The following SQSTM1 variants were observed in gnomAD, a reference collection of about 807,000 sequenced individuals.
SQSTM1 encodes sequestosome 1.
SQSTM1 carries 36 observed loss-of-function variants against 45.1 expected under a neutral mutation model. The ratio of observed to expected loss-of-function variants is 0.80; its 90% CI spans 0.61 to 1.05. The LOEUF (loss-of-function observed/expected upper bound fraction) is 1.05, where lower values mean the gene tolerates loss of function less well. Ranked by LOEUF, SQSTM1 falls within the 50% of genes least tolerant of loss-of-function variation. The probability of loss-of-function intolerance (pLI) is 0.00; values close to 1 mark genes in which losing one functional copy is unlikely to be tolerated. For missense variants in SQSTM1, 617 were observed against 607.1 expected (o/e 1.02, Z -0.17); for synonymous variants, 290 against 244.3 (o/e 1.19, Z -1.74).
At chr5:179,835,726 A>G (rs1347236051) in intron 7 of SQSTM1, 1 of 156,616 alleles carries the variant, frequency 6.4e-6, no homozygotes, top group Non-Finnish European at 1.4e-5. Context: ...TTGCATCATC[A>G]TAGCTTAGCA....
upstream of SQSTM1, among the ~76,000 whole-genome samples, chr5:179,815,482 G>T (rs949470431): frequency 2.0e-5 from 3 of 152,030 alleles, no homozygotes; most frequent in African/African-American, 7.3e-5. Flanking sequence ...ACTACTCTTG[G>T]ATACAATTGA....
In SQSTM1 at chr5:179,825,229, G is replaced by A; in HGVS notation, c.754+3G>A. On this transcript the variant is annotated splice_donor_region_variant and intron_variant, in intron 5 of 7. Coordinates refer to ENST00000389805, the MANE Select transcript of SQSTM1 (RefSeq NM_003900.5). The stretch of plus-strand genomic sequence containing the variant: ...GGCAGCTGCCCTTAGCCCTCTGGGT[G>A]AGTGCACCTCCTTGCCCAGTGCTTC... The A allele has an allele frequency of 6.2e-7, 1 of 1,612,710 alleles. No individual in the cohort carries two copies. The highest frequency in any genetic ancestry group is 8.5e-7 in the Non-Finnish European group (1 of 1,179,072).
At chr5:179,818,540 G>C (rs1757652207), upstream of SQSTM1, among the ~76,000 whole-genome samples, 1 of 152,174 alleles carries the variant, frequency 6.6e-6, no homozygotes, top group African/African-American at 2.4e-5. Flanking sequence ...AACATGCTGG[G>C]CAGCAACAGA....
At chr5:179,810,428 C>T (rs1343782083) in intron 1 of SQSTM1, among the ~76,000 whole-genome samples, 2 of 152,188 alleles carry the variant, frequency 1.3e-5, no homozygotes, top group Admixed American at 6.5e-5. Context: ...ATCCGTGTCC[C>T]TACAAAGGAC....
At chr5:179,831,381 G>T (rs762291078) in intron 5 of SQSTM1, among the ~76,000 whole-genome samples, 2 of 152,244 alleles carry the variant, frequency 1.3e-5, no homozygotes, top group African/African-American at 4.8e-5. Flanking sequence ...GAGAAGGCAG[G>T]CTGGGTGCAG....
chr5:179,815,198 C>T (rs1461548663), upstream of SQSTM1, among the ~76,000 whole-genome samples: 1 of 152,156 alleles, frequency 6.6e-6, no homozygotes, highest in African/African-American at 2.4e-5. Context: ...GGGTGGATCA[C>T]TTGAGGCCAA....
chr5:179,814,671 C>T (rs1157861927), upstream of SQSTM1, among the ~76,000 whole-genome samples: 2 of 152,160 alleles, frequency 1.3e-5, no homozygotes, highest in African/African-American at 2.4e-5. Context: ...AAATGCTTGG[C>T]GTATAGGTGA....
rs150786805 is a variant in SQSTM1, at chr5:179,837,449, C to T, written c.*856C>T. The stretch of plus-strand genomic sequence containing the variant: ...AAAGAGGTCACATAGTCGTGTGGGT[C>T]GAGGATTCTGTGCCTCCAGGACCAG... On this transcript the variant is annotated 3_prime_UTR_variant, in exon 8 of 8. Transcript: ENST00000389805. 1.1e-5 allele frequency: 18 copies of T among 1,611,890 alleles called. No homozygotes were observed. Among genetic ancestry groups the T allele is most frequent in the African/African-American group, 8.0e-5 (6 of 74,880 alleles).
intron 2 of SQSTM1, chr5:179,812,331 GGGGTTCCTCTCCTTTTC>G (rs1757452907): frequency 6.6e-6 from 1 of 152,230 alleles, no homozygotes; most frequent in Non-Finnish European, 1.5e-5. Context: ...CAGAAAGGCT[GGGGTTCCTCTCCTTTTC>G]GGGTTCCTTC....
At chr5:179,832,435 CA>C (rs1043474565) in intron 5 of SQSTM1, among the ~76,000 whole-genome samples, 10 of 152,248 alleles carry the variant, frequency 6.6e-5, no homozygotes, top group African/African-American at 2.4e-4. Flanking sequence ...CTGCACGGCC[CA>C]TCCACCTCCC....
rs372845160 is a variant in SQSTM1 at position 179,825,129 on chromosome 5, C to G, written c.674-17C>G. 1 of 1,613,006 alleles carries G rather than the reference C, an allele frequency of 6.2e-7. No homozygotes were observed. The highest frequency in any genetic ancestry group is 1.7e-5 in the Admixed American group (1 of 60,026). ...GGCATTAAAGATATCTTTATCTTAT[C>G]TTTGTAAAAATCAAAGCTTCTGGTC... On this transcript the variant is annotated splice_polypyrimidine_tract_variant and intron_variant, in intron 4 of 7. Transcript: ENST00000389805.
chr5:179,831,577 A>C (rs1331169031), intron 5 of SQSTM1, among the ~76,000 whole-genome samples: 2 of 151,876 alleles, frequency 1.3e-5, no homozygotes, highest in Non-Finnish European at 2.9e-5. Context: ...CAGGAGAATC[A>C]CTTGAACCTG....
chr5:179,834,961 C>T (rs1758452314), intron 7 of SQSTM1, among the ~76,000 whole-genome samples: 1 of 152,152 alleles, frequency 6.6e-6, no homozygotes, highest in Non-Finnish European at 1.5e-5. Context: ...AGGGGCTCCT[C>T]ACTTCCCAGT....
Position 179,821,122 on chromosome 5 carries a change from C to T in SQSTM1, c.186C>T (p.Gly62=), listed in dbSNP as rs759558250. The T allele has an allele frequency of 4.4e-6, 6 of 1,374,302 alleles. No homozygotes were observed. The highest frequency in any genetic ancestry group is 1.9e-6 in the Non-Finnish European group (2 of 1,068,058). The allele number at this position is 1,374,302 out of a possible 1,614,324, so 85.1% of individuals were successfully genotyped here. A position where few individuals can be genotyped will look rare whatever the true frequency, so the allele number is the denominator to read the frequency against. Residue 62 remains glycine, a synonymous_variant, in exon 1 of 8, where the codon GGC becomes GGT. Coordinates refer to ENST00000389805, the MANE Select transcript of SQSTM1 (RefSeq NM_003900.5). The stretch of plus-strand genomic sequence containing the variant: ...TGTTCCCCGCGCTGCGGCCTGGCGG[C>T]TTCCAGGCGCACTACCGCGGTGAGC... ...AALFPALRPG[G]FQAHYRDEDG... is the part of the protein sequence containing the mutation.
At chr5:179,828,308 A>C (rs1758078420) in intron 5 of SQSTM1, among the ~76,000 whole-genome samples, 1 of 144,370 alleles carries the variant, frequency 6.9e-6, no homozygotes. Flanking sequence ...ATGGGTATTG[A>C]TTGTACTATT....
At chr5:179,834,618 A>C (rs1279056347) in intron 7 of SQSTM1, among the ~76,000 whole-genome samples, 1 of 151,842 alleles carries the variant, frequency 6.6e-6, no homozygotes, top group East Asian at 1.9e-4. Flanking sequence ...GATGACTCTT[A>C]AGGAGCATGC....
chr5:179,837,094 C>G lies in SQSTM1; in HGVS notation c.*501C>G. On this transcript the variant is annotated 3_prime_UTR_variant, in exon 8 of 8. Transcript: ENST00000389805. ...TGGGACTGAGAAGGCTCACGAAGGG[C>G]ATCCGCAATGTTGGTTTCACTGAGA... 2.2e-6 allele frequency: 2 copies of G among 895,380 alleles called. No homozygotes were observed. The highest frequency in any genetic ancestry group is 2.9e-5 in the South Asian group (2 of 69,904). 55.5% of individuals were successfully genotyped at this position (895,380 alleles called of 1,614,324 possible).
At chr5:179,831,451 C>T (rs1225953770) in intron 5 of SQSTM1, among the ~76,000 whole-genome samples, 1 of 152,178 alleles carries the variant, frequency 6.6e-6, no homozygotes, top group Non-Finnish European at 1.5e-5. Flanking sequence ...CACCTGAGGT[C>T]AGGAGTTCAA....
At chr5:179,824,400 C>T (rs945336206) in intron 4 of SQSTM1, 77 bp downstream of exon 4, 14 of 1,602,664 alleles carry the variant, frequency 8.7e-6, no homozygotes, top group East Asian at 2.2e-5. Context: ...TTGTGCAAAG[C>T]GTGTGTGCAA....
Sources: gnomAD v4.1 joint callset for allele counts (sites outside exome capture counted in the v4.1 genomes callset) on GRCh38, gnomAD v4.1.1 for gene constraint, MANE v1.5 for transcripts, NCBI Gene and HGNC (gene_info 2026-07-23, HGNC 2026-07-21) for gene names.